Variants in SNAP25 observed in about 807,000 individuals in gnomAD.
The protein encoded by SNAP25 is synaptosome associated protein 25, also known as synaptosomal-associated protein 25.
A neutral mutation model predicts 28.7 loss-of-function variants in SNAP25; 3 were observed. That is an observed-to-expected ratio of 0.10 (90% CI 0.05 to 0.27). SNAP25 has a LOEUF of 0.27. Ranked by LOEUF, SNAP25 falls within the 10% of genes least tolerant of loss-of-function variation. SNAP25 has a pLI of 1.00. For missense variants in SNAP25, 117 were observed against 278.7 expected, an observed-to-expected ratio of 0.42 and a Z score of 4.13; for synonymous variants, 61 against 88.1, an observed-to-expected ratio of 0.69 and a Z score of 1.72.
At chr20:10,274,671 G>A (rs548351748) in intron 1 of SNAP25, among the ~76,000 whole-genome samples, 6 of 152,052 alleles carry the variant, frequency 3.9e-5, no homozygotes, top group African/African-American at 7.2e-5. Flanking sequence ...GTGAAACCCC[G>A]TCTCTACTAA....
At chr20:10,284,377 G>T (rs1327660955) in intron 3 of SNAP25, among the ~76,000 whole-genome samples, 1 of 152,108 alleles carries the variant, frequency 6.6e-6, no homozygotes, top group Non-Finnish European at 1.5e-5. Flanking sequence ...TTCTGTGATT[G>T]GTGTTATAAA....
intron 1 of SNAP25, among the ~76,000 whole-genome samples, chr20:10,262,880 C>T (rs926552380): frequency 3.3e-5 from 5 of 152,060 alleles, no homozygotes; most frequent in African/African-American, 9.7e-5. Flanking sequence ...GTTTTTTGTA[C>T]TCCTCTGCCA....
intron 1 of SNAP25, among the ~76,000 whole-genome samples, chr20:10,256,280 AC>A (rs2063317750): frequency 6.6e-6 from 1 of 152,228 alleles, no homozygotes; most frequent in African/African-American, 2.4e-5. Context: ...CCATTAATTA[AC>A]CTACATATTT....
At chr20:10,295,368 T>C (rs1326971762) in intron 5 of SNAP25, among the ~76,000 whole-genome samples, 1 of 152,238 alleles carries the variant, frequency 6.6e-6, no homozygotes, top group Non-Finnish European at 1.5e-5. Flanking sequence ...TAACTTCTTT[T>C]AATCTGAGGA....
At chr20:10,225,611 C>T (rs2077683927) in intron 1 of SNAP25, among the ~76,000 whole-genome samples, 1 of 152,132 alleles carries the variant, frequency 6.6e-6, no homozygotes, top group African/African-American at 2.4e-5. Context: ...GTTCATATTA[C>T]TCAAAGATGT....
chr20:10,282,661 T>C (rs1477467926), intron 3 of SNAP25, among the ~76,000 whole-genome samples: 4 of 152,212 alleles, frequency 2.6e-5, no homozygotes, highest in Non-Finnish European at 4.4e-5. Flanking sequence ...TCCCATCCAC[T>C]GTCCCCAGTA....
chr20:10,225,916 C>A (rs1364737989), intron 1 of SNAP25, among the ~76,000 whole-genome samples: 4 of 152,038 alleles, frequency 2.6e-5, no homozygotes, highest in South Asian at 2.1e-4. Flanking sequence ...TAGGTGCCCC[C>A]CTGAGGCCAG....
intron 7 of SNAP25, among the ~76,000 whole-genome samples, chr20:10,301,291 G>T (rs1341451917): frequency 6.6e-6 from 1 of 152,214 alleles, no homozygotes; most frequent in Admixed American, 6.5e-5. Flanking sequence ...AGCCAGGCAG[G>T]TGGATGGATA....
chr20:10,244,757 G>C (rs1239246660), intron 1 of SNAP25, among the ~76,000 whole-genome samples: 2 of 146,590 alleles, frequency 1.4e-5, no homozygotes, highest in African/African-American at 5.1e-5. Flanking sequence ...TTGAGATGGA[G>C]TCTTGCTCTG....
At chr20:10,292,386 C>T (rs1345531291) in intron 4 of SNAP25, among the ~76,000 whole-genome samples, 1 of 152,144 alleles carries the variant, frequency 6.6e-6, no homozygotes, top group African/African-American at 2.4e-5. Context: ...GACATCCATA[C>T]CCATTGCTTA....
At chr20:10,234,157 T>C (rs1209051685) in intron 1 of SNAP25, among the ~76,000 whole-genome samples, 2 of 145,956 alleles carry the variant, frequency 1.4e-5, no homozygotes, top group African/African-American at 5.1e-5. Context: ...GTTTCTTTTT[T>C]CTCAAATTGT....
intron 3 of SNAP25, among the ~76,000 whole-genome samples, chr20:10,279,694 A>G (rs1010227491): frequency 3.3e-5 from 5 of 152,230 alleles, no homozygotes; most frequent in African/African-American, 7.2e-5. Flanking sequence ...GGATTCTCGA[A>G]TCATATGTTT....
chr20:10,275,774 C>T (rs2063681941), intron 2 of SNAP25, among the ~76,000 whole-genome samples: 1 of 152,208 alleles, frequency 6.6e-6, no homozygotes, highest in Non-Finnish European at 1.5e-5. Context: ...TTGGCCCTAA[C>T]TCTCAATTTC....
intron 6 of SNAP25, among the ~76,000 whole-genome samples, chr20:10,298,291 T>A (rs2064158552): frequency 6.6e-6 from 1 of 152,198 alleles, no homozygotes; most frequent in Non-Finnish European, 1.5e-5. Flanking sequence ...TTAAATAAAC[T>A]TCTTCCCTAC....
At chr20:10,234,377 C>G (rs982762764) in intron 1 of SNAP25, among the ~76,000 whole-genome samples, 1 of 152,158 alleles carries the variant, frequency 6.6e-6, no homozygotes, top group Non-Finnish European at 1.5e-5. Flanking sequence ...GTTCTTAATC[C>G]ATAAATGGAA....
intron 1 of SNAP25, among the ~76,000 whole-genome samples, chr20:10,221,156 C>T (rs368016267): frequency 1.3e-5 from 2 of 152,280 alleles, no homozygotes; most frequent in African/African-American, 2.4e-5. Flanking sequence ...CAGCTGTCTG[C>T]GTAGTTGCGT....
intron 1 of SNAP25, among the ~76,000 whole-genome samples, chr20:10,266,998 A>G (rs565923877): frequency 6.6e-6 from 1 of 152,296 alleles, no homozygotes; most frequent in South Asian, 2.1e-4. Flanking sequence ...GCCATTGGCC[A>G]TGTGTTAAGG....
At chr20:10,247,915 C>G (rs753569618) in intron 1 of SNAP25, among the ~76,000 whole-genome samples, 1 of 152,202 alleles carries the variant, frequency 6.6e-6, no homozygotes, top group Non-Finnish European at 1.5e-5. Context: ...CTGAGTTCAG[C>G]TGGACTCCCT....
At chr20:10,264,457 C>T (rs1234050744) in intron 1 of SNAP25, among the ~76,000 whole-genome samples, 1 of 152,114 alleles carries the variant, frequency 6.6e-6, no homozygotes, top group African/African-American at 2.4e-5. Flanking sequence ...ATTCTGTGGG[C>T]TGGTTAAAGT....
Sources: gnomAD v4.1 joint callset for allele counts (sites outside exome capture counted in the v4.1 genomes callset) on GRCh38, gnomAD v4.1.1 for gene constraint, MANE v1.5 for transcripts, NCBI Gene and HGNC (gene_info 2026-07-23, HGNC 2026-07-21) for gene names.